FGGY: variants seen among roughly 807,000 people sequenced by gnomAD.
FGGY encodes FGGY carbohydrate kinase domain containing.
In FGGY, 72 loss-of-function variants were observed where a neutral mutation model predicts 71.3. The ratio of observed to expected loss-of-function variants is 1.01; its 90% CI spans 0.84 to 1.23. The LOEUF is 1.23. FGGY is among the 50% of genes most tolerant of loss of function. The pLI is 0.00. For synonymous variants in FGGY, 251 were observed against 250.3 expected, an observed-to-expected ratio of 1.00 and a Z score of -0.02; for missense variants, 668 against 682.3, an observed-to-expected ratio of 0.98 and a Z score of 0.23.
Position 59,666,905 on chromosome 1 carries a change from G to C in FGGY, c.1297-378G>C, listed in dbSNP as rs569476004. Among the ~76,000 whole-genome samples, 8 of 152,312 alleles carry C rather than the reference G, an allele frequency of 5.3e-5. No individual in the cohort carries two copies. The Middle Eastern group carries it at 0.01, about 194-fold the overall frequency. On this transcript the variant is annotated intron_variant, in intron 12 of 15. Transcript: ENST00000303721. Reference sequence around the variant, plus strand: ...CCAAGATACCATTGACTCTGTTTCAGAGTACTATTGCAATCACTGCTAATA... The same window carrying C: ...CCAAGATACCATTGACTCTGTTTCACAGTACTATTGCAATCACTGCTAATA...
At chr1:59,353,715 A>G (rs951033790) in intron 4 of FGGY, among the ~76,000 whole-genome samples, 7 of 152,176 alleles carry the variant, frequency 4.6e-5, no homozygotes, top group Non-Finnish European at 1.0e-4. Flanking sequence ...ATCTCTTTTT[A>G]TATTACCAGA....
At chr1:59,327,271 A>G (rs1316167718) in intron 2 of FGGY, among the ~76,000 whole-genome samples, 1 of 152,216 alleles carries the variant, frequency 6.6e-6, no homozygotes, top group Non-Finnish European at 1.5e-5. Context: ...CCTTAGCCTT[A>G]TCAGTTAAGT....
chr1:59,463,714 C>G (rs1013491376), intron 6 of FGGY, among the ~76,000 whole-genome samples: 10 of 150,270 alleles, frequency 6.7e-5, no homozygotes, highest in African/African-American at 2.4e-4. Flanking sequence ...GGGTTGCAAT[C>G]CTTGTCTCTG....
chr1:59,358,712 T>C (rs1274055271), intron 4 of FGGY, among the ~76,000 whole-genome samples: 1 of 152,240 alleles, frequency 6.6e-6, no homozygotes, highest in Non-Finnish European at 1.5e-5. Flanking sequence ...GTTTGAAATA[T>C]TAAAAGTTGT....
rs145520538 is a variant in FGGY at position 59,634,300 on chromosome 1, G to C, written c.1074-3928G>C. On this transcript the variant is annotated intron_variant, in intron 10 of 15. Transcript: ENST00000303721. ...CACACGCCTGTAGTCCCAGCTACTC[G>C]GGAGGCTGAGGCAGGAGAATCACTT... Among the ~76,000 whole-genome samples the C allele has an allele frequency of 7.0e-4, 106 of 152,148 alleles. 2 individuals are homozygous for C. Among genetic ancestry groups the C allele is most frequent in the African/African-American group, 2.4e-3 (99 of 41,508 alleles).
chr1:59,349,335 C>A (rs901433140), intron 4 of FGGY, among the ~76,000 whole-genome samples: 3 of 152,110 alleles, frequency 2.0e-5, no homozygotes, highest in South Asian at 4.1e-4. Flanking sequence ...TTGGATATAT[C>A]ACCTTTTTTG....
intron 1 of FGGY, among the ~76,000 whole-genome samples, chr1:59,313,790 A>G (rs762073604): frequency 2.6e-5 from 4 of 152,206 alleles, no homozygotes; most frequent in Non-Finnish European, 4.4e-5. Context: ...CACAATGGAC[A>G]TTGGGGACTC....
intron 14 of FGGY, chr1:59,697,588 T>G: frequency 8.2e-6 from 8 of 981,560 alleles, no homozygotes; most frequent in Non-Finnish European, 1.2e-5. Context: ...ATCTGCTGAT[T>G]ATAACCATCG....
intron 6 of FGGY, among the ~76,000 whole-genome samples, chr1:59,472,979 CA>C (rs2093047733): frequency 6.6e-6 from 1 of 152,170 alleles, no homozygotes; most frequent in Non-Finnish European, 1.5e-5. Flanking sequence ...ACGCACCAAT[CA>C]GCACTCTGTC....
chr1:59,536,791 C>T (rs1321705514), intron 7 of FGGY, among the ~76,000 whole-genome samples: 1 of 152,168 alleles, frequency 6.6e-6, no homozygotes. Flanking sequence ...TGACAAAATT[C>T]AACAACCCTT....
chr1:59,426,645 T>C (rs1191380589), intron 5 of FGGY, among the ~76,000 whole-genome samples: 1 of 152,230 alleles, frequency 6.6e-6, no homozygotes, highest in Non-Finnish European at 1.5e-5. Context: ...CGTTAATATA[T>C]TTATGTCCTC....
intron 8 of FGGY, among the ~76,000 whole-genome samples, chr1:59,600,979 A>C (rs1384934302): frequency 7.2e-6 from 1 of 139,210 alleles, no homozygotes. Context: ...AAAATTCTCT[A>C]TGCTTTTTTT....
chr1:59,759,667 G>A (rs1004084083), intron 15 of FGGY, among the ~76,000 whole-genome samples: 10 of 152,222 alleles, frequency 6.6e-5, no homozygotes, highest in Admixed American at 2.0e-4. Flanking sequence ...GATTTGCAAG[G>A]AGACAGGAGA....
At position 59,457,002 on chromosome 1, in the gene FGGY, A is replaced by C. The variant is rs749002782; in HGVS notation, c.596A>C (p.Glu199Ala). The C allele has an allele frequency of 6.2e-6, 10 of 1,614,146 alleles. 1 individual carries two copies. In the Middle Eastern group the frequency reaches 4.9e-4, roughly 80 times the overall value. ...SLVCKWTYSA[E>A]KGWDDSFWKM... is the part of the protein sequence containing the mutation. ...GTGTGTAAGTGGACATATTCAGCAG[A>C]GAAAGGCTGGGACGACAGTTTCTGG... The change falls in exon 6 of 16, where the codon GAG becomes GCG. Residue 199 changes from glutamate to alanine, a missense_variant. Physicochemically the swap from Glu to Ala is moderately radical, Grantham distance 107 (BLOSUM62 -1). This residue lies in a region of FGGY where 661 missense variants were observed against 661.6 expected (regional missense o/e 1.00). Transcript: ENST00000303721.
At chr1:59,607,770 A>G in intron 8 of FGGY, 33 bp from the exon 9 acceptor site, 4 of 1,551,068 alleles carry the variant, frequency 2.6e-6, no homozygotes, top group Non-Finnish European at 3.6e-6. Flanking sequence ...CTGAGAGTCA[A>G]TGTTTTCACA....
In FGGY at chr1:59,681,325, A is replaced by G. The variant is rs115632519; in HGVS notation, c.1512+7192A>G. On this transcript the variant is annotated intron_variant, in intron 14 of 15. Coordinates refer to ENST00000303721, the MANE Select transcript of FGGY (RefSeq NM_018291.5). ...AGGCTAACAAAACGCATTTTCCCAA[A>G]TATCTCTCTCACCTCCCCCCACAAT... 5.2e-3 allele frequency among the ~76,000 whole-genome samples: 792 copies of G among 152,308 alleles called. 6 individuals carry two copies. The highest frequency in any genetic ancestry group is 0.018 in the African/African-American group (763 of 41,562).
At chr1:59,671,406 G>A (rs1019311377) in intron 13 of FGGY, among the ~76,000 whole-genome samples, 13 of 152,196 alleles carry the variant, frequency 8.5e-5, no homozygotes, top group African/African-American at 2.4e-4. Context: ...TAGGGAGCAG[G>A]CAATCTGAGC....
At position 59,371,072 on chromosome 1, in the gene FGGY, T is replaced by G. The variant is rs1370190533; in HGVS notation, c.466-7677T>G. Among the ~76,000 whole-genome samples the G allele has an allele frequency of 3.9e-5, 6 of 152,136 alleles. No individual in the cohort carries two copies. In the East Asian group the frequency reaches 1.2e-3, roughly 29 times the overall value. ...CACATAACAATATTAACTTTAAATG[T>G]AAATGGACTAAGTGCTCCAATTAAA... On this transcript the variant is annotated intron_variant, in intron 4 of 15. Coordinates refer to ENST00000303721, the MANE Select transcript of FGGY (RefSeq NM_018291.5).
At chr1:59,307,887 C>G (rs1462273068) in intron 1 of FGGY, among the ~76,000 whole-genome samples, 1 of 152,148 alleles carries the variant, frequency 6.6e-6, no homozygotes, top group Non-Finnish European at 1.5e-5. Context: ...TTAGAACAAA[C>G]TATAGATAGT....
Sources: gnomAD v4.1 joint callset for allele counts (sites outside exome capture counted in the v4.1 genomes callset) on GRCh38, gnomAD v4.1.1 for gene constraint, gnomAD v4.1.1 regional missense constraint, MANE v1.5 for transcripts, NCBI Gene and HGNC (gene_info 2026-07-23, HGNC 2026-07-21) for gene names.